Variants in UGT1A7 observed in about 807,000 individuals in gnomAD.
The protein encoded by UGT1A7 is UDP glucuronosyltransferase family 1 member A7.
A neutral mutation model predicts 45.6 loss-of-function variants in UGT1A7; 33 were observed. That is an observed-to-expected ratio of 0.72 (90% CI 0.55 to 0.97). The LOEUF (loss-of-function observed/expected upper bound fraction) is 0.97. UGT1A7 is among the 50% of genes least tolerant of loss of function. The probability of loss-of-function intolerance (pLI) is 0.00; values close to 1 mark genes in which losing one functional copy is unlikely to be tolerated. For synonymous variants in UGT1A7, 274 were observed against 250.6 expected (o/e 1.09, Z -0.88); for missense variants, 684 against 666.2 (o/e 1.03, Z -0.29).
At chr2:233,747,527 T>G (rs1237082221) in intron 1 of UGT1A7, 2 of 1,605,936 alleles carry the variant, frequency 1.2e-6, no homozygotes, top group African/African-American at 1.3e-5. Context: ...AAACAGAACA[T>G]TTTCTGAAGA....
Position 233,713,325 on chromosome 2 carries a change from A to G in UGT1A7, c.855+30533A>G, listed in dbSNP as rs1186303937. The G allele has an allele frequency of 4.3e-6, 7 of 1,614,262 alleles. No individual in the cohort carries two copies. The Middle Eastern group carries it at 6.6e-4, about 152-fold the overall frequency. On this transcript the variant is annotated intron_variant, in intron 1 of 4. Coordinates refer to ENST00000373426, the MANE Select transcript of UGT1A7 (RefSeq NM_019077.3). ...AGAACATCTTCTGATGAAATTTTCT[A>G]GAAGAATGGCAATTATGAACAATAT...
chr2:233,769,716 A>G lies in UGT1A7; in HGVS notation c.1295+1277A>G, dbSNP rs1255233011. 6.7e-7 allele frequency: 1 copy of G among 1,492,612 alleles called. No individual in the cohort carries two copies. Among genetic ancestry groups the G allele is most frequent in the East Asian group, 2.5e-5 (1 of 40,446 alleles). The allele number at this position is 1,492,612 out of a possible 1,614,324, so 92.5% of individuals were successfully genotyped here. A position where few individuals can be genotyped will look rare whatever the true frequency, so the allele number is the denominator to read the frequency against. Reference sequence around the variant, plus strand: ...GATAAAAGATCAATGTTGGCTAGGCACCATGGCACACGCCTGTAGTCCCAG... The same window carrying G: ...GATAAAAGATCAATGTTGGCTAGGCGCCATGGCACACGCCTGTAGTCCCAG... On this transcript the variant is annotated intron_variant, in intron 4 of 4. Coordinates refer to ENST00000373426, the MANE Select transcript of UGT1A7 (RefSeq NM_019077.3). The surrounding 1 kb of genome is among the most constrained non-coding windows in gnomAD (Gnocchi z 4.4).
chr2:233,761,251 A>C, intron 1 of UGT1A7: 1 of 1,608,190 alleles, frequency 6.2e-7, no homozygotes. Flanking sequence ...AAGCATTCTG[A>C]GATAATTTAA....
At chr2:233,760,933 G>A (rs1697618719) in intron 1 of UGT1A7, 3 of 1,614,198 alleles carry the variant, frequency 1.9e-6, no homozygotes, top group South Asian at 1.1e-5. Flanking sequence ...CATGCTCATT[G>A]CCTTTTCACA....
intron 1 of UGT1A7, among the ~76,000 whole-genome samples, chr2:233,757,478 C>G (rs1489873843): frequency 4.1e-5 from 6 of 146,266 alleles, no homozygotes; most frequent in Non-Finnish European, 1.5e-5. Flanking sequence ...TCTCCAAAAC[C>G]ATGGACTGGC....
intron 1 of UGT1A7, chr2:233,729,152 T>G: frequency 1.2e-6 from 2 of 1,613,556 alleles, no homozygotes. Context: ...CAGGTTCCCC[T>G]GCCGTGGCTG....
intron 1 of UGT1A7, among the ~76,000 whole-genome samples, chr2:233,731,952 T>C (rs2078222480): frequency 6.6e-6 from 1 of 152,218 alleles, no homozygotes; most frequent in African/African-American, 2.4e-5. Context: ...ATCTGTTGTT[T>C]CCTGACTTTT....
intron 2 of UGT1A7, 41 bp downstream of exon 2, chr2:233,767,206 A>G: frequency 1.9e-6 from 3 of 1,613,184 alleles, no homozygotes; most frequent in Non-Finnish European, 2.5e-6. Context: ...CTATTTTCAC[A>G]GGAGCGCTAA....
chr2:233,718,771 A>G, intron 1 of UGT1A7: 1 of 1,612,862 alleles, frequency 6.2e-7, no homozygotes, highest in African/African-American at 1.3e-5. Context: ...AAACAAATGT[A>G]GCAGGCACAG....
chr2:233,729,973 A>C, intron 1 of UGT1A7: 1 of 1,614,080 alleles, frequency 6.2e-7, no homozygotes, highest in East Asian at 2.2e-5. Context: ...CAACTGTGCC[A>C]ACAGGAAGCC....
At position 233,682,244 on chromosome 2, in the gene UGT1A7, C is replaced by T. The variant is rs753185425; in HGVS notation, c.307C>T (p.Arg103Ter). 3.1e-6 allele frequency: 5 copies of T among 1,614,148 alleles called. No homozygotes were observed. The highest frequency in any genetic ancestry group is 1.7e-5 in the Admixed American group (1 of 60,024). Residue 103 changes from arginine to a stop codon, truncating the protein, a stop_gained, in exon 1 of 5, where the codon CGA (arginine) becomes TGA (stop). Transcript: ENST00000373426. LOFTEE classifies it high-confidence loss of function. ...FADARWTAPL[R>*]SAFSLLTSSS... ...CGATGCTCGCTGGACGGCACCATTG[C>T]GAAGTGCATTTTCTCTATTAACAAG...
At chr2:233,695,502 G>T (rs1032261518) in intron 1 of UGT1A7, among the ~76,000 whole-genome samples, 2 of 151,336 alleles carry the variant, frequency 1.3e-5, no homozygotes, top group African/African-American at 2.4e-5. Flanking sequence ...CAAAGTTTTT[G>T]GAGTATTACA....
chr2:233,721,292 C>T (rs1038685514), intron 1 of UGT1A7, among the ~76,000 whole-genome samples: 4 of 152,066 alleles, frequency 2.6e-5, no homozygotes, highest in African/African-American at 9.7e-5. Context: ...ATTAGGAAGG[C>T]ATTTGAATAG....
chr2:233,752,202 T>G (rs1037176887), intron 1 of UGT1A7: 1 of 152,188 alleles, frequency 6.6e-6, no homozygotes, highest in African/African-American at 2.4e-5. Context: ...TGTGTTGAAC[T>G]CCAGCCAGAA....
chr2:233,745,785 G>T (rs902358677), intron 1 of UGT1A7, among the ~76,000 whole-genome samples: 5 of 150,990 alleles, frequency 3.3e-5, no homozygotes, highest in Admixed American at 1.3e-4. Flanking sequence ...CTTAGACAGG[G>T]GGGCTGGGGT....
intron 1 of UGT1A7, chr2:233,760,452 T>A (rs1697451536): frequency 6.2e-7 from 1 of 1,614,194 alleles, no homozygotes; most frequent in Non-Finnish European, 8.5e-7. Flanking sequence ...AGAGGGGACA[T>A]GAAATAGTTG....
At chr2:233,745,676 C>T (rs28900379) in intron 1 of UGT1A7, among the ~76,000 whole-genome samples, 3,652 of 149,480 alleles carry the variant, frequency 0.024, 62 homozygotes, top group Non-Finnish European at 0.032. Flanking sequence ...AATTTGGGAA[C>T]ATCAAAGCAA....
At chr2:233,766,979 T>C in intron 1 of UGT1A7, 55 bp from the exon 2 acceptor site, 1 of 1,612,672 alleles carries the variant, frequency 6.2e-7, no homozygotes, top group Non-Finnish European at 8.5e-7. Flanking sequence ...TTACTGTATG[T>C]AGTCATCAAA....
At chr2:233,733,439 G>A (rs1332999216) in intron 1 of UGT1A7, among the ~76,000 whole-genome samples, 1 of 152,168 alleles carries the variant, frequency 6.6e-6, no homozygotes, top group East Asian at 1.9e-4. Context: ...GATATTGGCT[G>A]CGGGTTTGTC....
Sources: gnomAD v4.1 joint callset for allele counts (sites outside exome capture counted in the v4.1 genomes callset) on GRCh38, gnomAD v4.1.1 for gene constraint, Gnocchi (gnomAD v3.1) non-coding constraint, MANE v1.5 for transcripts, NCBI Gene and HGNC (gene_info 2026-07-23, HGNC 2026-07-21) for gene names.